Variants in SHISA9 observed in about 807,000 individuals in gnomAD.
The protein encoded by SHISA9 is protein shisa-9.
A neutral mutation model predicts 38.0 loss-of-function variants in SHISA9; 13 were observed. The ratio of observed to expected loss-of-function variants is 0.34; its 90% confidence interval spans 0.22 to 0.54. The LOEUF (loss-of-function observed/expected upper bound fraction) is 0.54. Ranked by LOEUF, SHISA9 falls within the 20% of genes least tolerant of loss-of-function variation. The pLI is 0.91. For missense variants in SHISA9, 538 were observed against 575.8 expected (o/e 0.93, Z 0.67); for synonymous variants, 275 against 242.0 (o/e 1.14, Z -1.27).
At chr16:13,063,699 G>A (rs545973837) in intron 2 of SHISA9, among the ~76,000 whole-genome samples, 3 of 152,268 alleles carry the variant, frequency 2.0e-5, no homozygotes, top group South Asian at 4.1e-4. Flanking sequence ...CCAAGGAAGG[G>A]TGCGTATACT....
the SHISA9 span, among the ~76,000 whole-genome samples, chr16:13,308,260 C>G: frequency 1.3e-5 from 2 of 150,886 alleles, no homozygotes; most frequent in African/African-American, 4.9e-5. Context: ...CCAGGCTCAT[C>G]CCCTTGGAAA....
intron 2 of SHISA9, among the ~76,000 whole-genome samples, chr16:12,987,278 A>G (rs753253648): frequency 6.6e-6 from 1 of 152,242 alleles, no homozygotes; most frequent in African/African-American, 2.4e-5. Context: ...AGTAACTTCA[A>G]AAAAGCAATT....
intron 2 of SHISA9, among the ~76,000 whole-genome samples, chr16:13,034,557 A>G (rs2073030644): frequency 6.6e-6 from 1 of 152,210 alleles, no homozygotes; most frequent in Admixed American, 6.5e-5. Context: ...TTTGTATAGC[A>G]CACTGTAATG....
chr16:13,381,612 TTGG>T, the SHISA9 span, among the ~76,000 whole-genome samples: 4 of 152,194 alleles, frequency 2.6e-5, no homozygotes, highest in Non-Finnish European at 5.9e-5. Flanking sequence ...CAAAGTGGTG[TTGG>T]TGGTGCTATT....
the SHISA9 span, among the ~76,000 whole-genome samples, chr16:13,408,032 T>A: frequency 6.6e-6 from 1 of 152,156 alleles, no homozygotes; most frequent in Non-Finnish European, 1.5e-5. Flanking sequence ...TCTCTGTGAT[T>A]TTTCCCATTC....
rs1236756678 is a variant in SHISA9, at chr16:13,129,435, T to G, written c.692-73959T>G. On this transcript the variant is annotated intron_variant, in intron 2 of 4. Coordinates refer to ENST00000558583, the MANE Select transcript of SHISA9 (RefSeq NM_001145204.3). The stretch of plus-strand genomic sequence containing the variant: ...AGCAGACAAGGGGAGAGTGAAAGAC[T>G]GGGGACTAGATGGGAGGGTTTTAGT... Among the ~76,000 whole-genome samples, 6 of 152,304 alleles carry G rather than the reference T, an allele frequency of 3.9e-5. No homozygotes were observed. In the East Asian group the frequency reaches 9.7e-4, roughly 25 times the overall value.
At chr16:12,924,248 A>G (rs905369213) in intron 2 of SHISA9, among the ~76,000 whole-genome samples, 1 of 152,028 alleles carries the variant, frequency 6.6e-6, no homozygotes, top group African/African-American at 2.4e-5. Context: ...GGCTGTTTGA[A>G]TCTTCCTTGG....
chr16:13,061,581 A>G (rs944740304), intron 2 of SHISA9, among the ~76,000 whole-genome samples: 5 of 152,164 alleles, frequency 3.3e-5, no homozygotes, highest in African/African-American at 1.2e-4. Flanking sequence ...ACATTAACTC[A>G]ACATATGTAT....
chr16:12,983,219 C>G (rs774075759), intron 2 of SHISA9, among the ~76,000 whole-genome samples: 1 of 152,176 alleles, frequency 6.6e-6, no homozygotes, highest in Non-Finnish European at 1.5e-5. Flanking sequence ...TGAGACAGAG[C>G]TTATGTGGCT....
chr16:13,008,150 A>C (rs1465191630), intron 2 of SHISA9, among the ~76,000 whole-genome samples: 3 of 152,206 alleles, frequency 2.0e-5, no homozygotes, highest in Non-Finnish European at 4.4e-5. Flanking sequence ...ATGTCAAATA[A>C]GAATAGACAT....
At chr16:13,136,396 CTTTTT>C (rs35122409) in intron 2 of SHISA9, among the ~76,000 whole-genome samples, 2 of 68,090 alleles carry the variant, frequency 2.9e-5, no homozygotes, top group Admixed American at 1.9e-4. Context: ...CAGTTTCCTT[CTTTTT>C]TTTTTTTTTT....
chr16:13,045,779 A>T (rs1164618550), intron 2 of SHISA9, among the ~76,000 whole-genome samples: 3 of 151,986 alleles, frequency 2.0e-5, no homozygotes, highest in Admixed American at 6.5e-5. Flanking sequence ...CCCCAGGGGG[A>T]GTCTGCACTG....
rs559656464 is a variant in SHISA9, at chr16:13,210,612, C to T, written c.848-2641C>T. Among the ~76,000 whole-genome samples, 197 of 152,248 alleles carry T rather than the reference C, an allele frequency of 1.3e-3. 1 individual carries two copies. The highest frequency in any genetic ancestry group is 4.6e-3 in the African/African-American group (191 of 41,548). On this transcript the variant is annotated intron_variant, in intron 3 of 4. Transcript: ENST00000558583. ...AATCATGAGTGAAAACCCTAAAAGC[C>T]ATACATGAGGCACTTGGCCATGGAT... is the stretch of plus-strand genomic sequence containing the variant.
At chr16:13,095,741 C>T (rs534634248) in intron 2 of SHISA9, among the ~76,000 whole-genome samples, 2 of 152,204 alleles carry the variant, frequency 1.3e-5, no homozygotes, top group Non-Finnish European at 2.9e-5. Flanking sequence ...CAGCATTTCA[C>T]ATACTATCAG....
At chr16:13,187,703 A>G (rs1402213152) in intron 2 of SHISA9, among the ~76,000 whole-genome samples, 1 of 152,164 alleles carries the variant, frequency 6.6e-6, no homozygotes, top group Non-Finnish European at 1.5e-5. Flanking sequence ...TGTGAATTTC[A>G]TAACCATTCA....
At chr16:13,206,019 C>A (rs2051060511) in intron 3 of SHISA9, among the ~76,000 whole-genome samples, 1 of 151,744 alleles carries the variant, frequency 6.6e-6, no homozygotes, top group Admixed American at 6.6e-5. Flanking sequence ...CCCAGCTTGG[C>A]CTCCCAAAGT....
intron 2 of SHISA9, among the ~76,000 whole-genome samples, chr16:13,121,882 C>G (rs12445011): frequency 0.015 from 2,060 of 133,324 alleles, 26 homozygotes; most frequent in Middle Eastern, 0.035. Context: ...CACACACACA[C>G]AGAACAGGCC....
intron 2 of SHISA9, among the ~76,000 whole-genome samples, chr16:13,004,326 C>T (rs2141844985): frequency 6.6e-6 from 1 of 152,254 alleles, no homozygotes; most frequent in East Asian, 1.9e-4. Flanking sequence ...ATTCAGGTTG[C>T]CTGAGGGCCA....
chr16:13,477,126 A>G, the SHISA9 span, among the ~76,000 whole-genome samples: 1 of 152,118 alleles, frequency 6.6e-6, no homozygotes, highest in Non-Finnish European at 1.5e-5. Context: ...GCATACCTAC[A>G]AGGTGTCAGG....
Sources: allele counts gnomAD v4.1 joint callset (sites outside exome capture counted in the v4.1 genomes callset), GRCh38; gene constraint gnomAD v4.1.1; transcripts MANE v1.5; gene names NCBI Gene and HGNC (gene_info 2026-07-23, HGNC 2026-07-21).